PLEKHG1: variants seen among roughly 807,000 people sequenced by gnomAD.
PLEKHG1 encodes pleckstrin homology and RhoGEF domain containing G1, also known as pleckstrin homology domain-containing family G member 1.
A neutral mutation model predicts 100.8 loss-of-function variants in PLEKHG1; 44 were observed. The observed-to-expected ratio is 0.44, with a 90% CI of 0.34 to 0.56. The LOEUF (loss-of-function observed/expected upper bound fraction) is 0.56. Ranked by LOEUF, PLEKHG1 falls within the 20% of genes least tolerant of loss-of-function variation. PLEKHG1 has a pLI of 0.01. For missense variants in PLEKHG1, 1,545 were observed against 1,720.9 expected (o/e 0.90, Z 1.81); for synonymous variants, 640 against 662.5 (o/e 0.97, Z 0.52).
At chr6:150,620,879 T>C (rs1582824755) in intron 1 of PLEKHG1, among the ~76,000 whole-genome samples, 1 of 152,264 alleles carries the variant, frequency 6.6e-6, no homozygotes, top group East Asian at 1.9e-4. Flanking sequence ...GGAGAGAGAA[T>C]GAATTGAGAT....
At chr6:150,653,188 GT>G (rs1435028802) in intron 3 of PLEKHG1, among the ~76,000 whole-genome samples, 3 of 152,050 alleles carry the variant, frequency 2.0e-5, no homozygotes, top group Non-Finnish European at 4.4e-5. Flanking sequence ...CTATGGAATT[GT>G]TTTAACTTTA....
At chr6:150,748,034 C>T (rs72570350) in intron 2 of PLEKHG1, among the ~76,000 whole-genome samples, 13,043 of 152,208 alleles carry the variant, frequency 0.086, 633 homozygotes, top group Admixed American at 0.14. Flanking sequence ...ACCCAATAAA[C>T]AATAACTCCC....
At chr6:150,643,881 C>T (rs1354870359) in intron 2 of PLEKHG1, among the ~76,000 whole-genome samples, 1 of 151,746 alleles carries the variant, frequency 6.6e-6, no homozygotes, top group Non-Finnish European at 1.5e-5. Context: ...ATTTTTTCCC[C>T]CTAAGTGATT....
chr6:150,823,580 TA>T, intron 13 of PLEKHG1, 73 bp from the exon 15 acceptor site: 1 of 1,014,464 alleles, frequency 9.9e-7, no homozygotes, highest in Non-Finnish European at 1.5e-6. Flanking sequence ...CTAAGTTCTA[TA>T]AAATATTAGT....
At chr6:150,777,792 G>C (rs528103182) in intron 3 of PLEKHG1, among the ~76,000 whole-genome samples, 1 of 151,680 alleles carries the variant, frequency 6.6e-6, no homozygotes, top group Admixed American at 6.6e-5. Flanking sequence ...GCACATGTGC[G>C]GTTGCACATC....
intron 1 of PLEKHG1, among the ~76,000 whole-genome samples, chr6:150,607,135 G>A (rs1317725403): frequency 1.3e-5 from 2 of 152,184 alleles, no homozygotes; most frequent in Admixed American, 1.3e-4. Flanking sequence ...GAAACAAGTA[G>A]AAGCAAAGGA....
chr6:150,812,381 T>C (rs1787580627), intron 10 of PLEKHG1, among the ~76,000 whole-genome samples: 1 of 151,744 alleles, frequency 6.6e-6, no homozygotes, highest in Non-Finnish European at 1.5e-5. Context: ...CAAAGAAAGA[T>C]TGAAAGAGTA....
chr6:150,834,293 G>A (rs937698206), intron 15 of PLEKHG1, among the ~76,000 whole-genome samples: 1 of 152,192 alleles, frequency 6.6e-6, no homozygotes, highest in Non-Finnish European at 1.5e-5. Flanking sequence ...CTGAGTTCCC[G>A]CTGCAGGAGG....
intron 3 of PLEKHG1, among the ~76,000 whole-genome samples, chr6:150,681,279 C>T (rs1047015569): frequency 2.8e-4 from 42 of 151,902 alleles, no homozygotes; most frequent in Non-Finnish European, 1.8e-4. Context: ...CCCAGCACTT[C>T]GGGAGGCTGA....
chr6:150,749,587 A>G (rs1470388392), intron 2 of PLEKHG1, among the ~76,000 whole-genome samples: 1 of 152,130 alleles, frequency 6.6e-6, no homozygotes, highest in East Asian at 1.9e-4. Flanking sequence ...GCTCATCTGT[A>G]TGTGATAATT....
chr6:150,743,536 TAAATA>T (rs1220095158), intron 2 of PLEKHG1, among the ~76,000 whole-genome samples: 1 of 152,022 alleles, frequency 6.6e-6, no homozygotes, highest in African/African-American at 2.4e-5. Flanking sequence ...AAAAAATAAA[TAAATA>T]AGGAAGAAAG....
chr6:150,602,653 T>C (rs1776402883), intron 1 of PLEKHG1, among the ~76,000 whole-genome samples: 1 of 152,100 alleles, frequency 6.6e-6, no homozygotes, highest in Admixed American at 6.5e-5. Flanking sequence ...TTGGCACATA[T>C]GGTGTGCTTT....
At chr6:150,729,034 TAA>T (rs1343774749) in intron 1 of PLEKHG1, among the ~76,000 whole-genome samples, 10 of 152,224 alleles carry the variant, frequency 6.6e-5, no homozygotes, top group Non-Finnish European at 1.3e-4. Context: ...AGTTTTATAC[TAA>T]GTTACTGAAA....
rs1317271451 is a variant in PLEKHG1 at position 150,809,002 on chromosome 6, G to A, written c.913-103G>A. The A allele has an allele frequency of 3.3e-6, 3 of 902,924 alleles. No individual in the cohort carries two copies. In the East Asian group the frequency reaches 7.6e-5, roughly 23 times the overall value. 55.9% of individuals were successfully genotyped at this position (902,924 alleles called of 1,614,324 possible). On this transcript the variant is annotated intron_variant, in intron 7 of 15. Coordinates refer to ENST00000358517, the Ensembl canonical transcript of PLEKHG1. Reference sequence around the variant, plus strand: ...CCACGTAGATAGTTAGACCCCCTCAGGGACGATTTGGCACCATTCTTGAGG... The same window carrying A: ...CCACGTAGATAGTTAGACCCCCTCAAGGACGATTTGGCACCATTCTTGAGG...
chr6:150,669,430 CTG>C (rs1404995555), intron 3 of PLEKHG1, among the ~76,000 whole-genome samples: 2 of 152,026 alleles, frequency 1.3e-5, no homozygotes, highest in Non-Finnish European at 2.9e-5. Context: ...AGGCTTCAGT[CTG>C]TGGGGAGAAT....
intron 3 of PLEKHG1, among the ~76,000 whole-genome samples, chr6:150,674,281 A>G (rs1779667047): frequency 6.6e-6 from 1 of 151,160 alleles, no homozygotes; most frequent in South Asian, 2.1e-4. Flanking sequence ...AAAAAAATGA[A>G]CAAGCGTTGA....
intron 1 of PLEKHG1, among the ~76,000 whole-genome samples, chr6:150,728,622 G>A (rs548158130): frequency 1.3e-5 from 2 of 151,842 alleles, no homozygotes; most frequent in East Asian, 3.9e-4. Flanking sequence ...AGTAGGCCGG[G>A]CTCAGTGGCT....
chr6:150,650,019 T>A (rs568237963), intron 2 of PLEKHG1, among the ~76,000 whole-genome samples: 1,190 of 47,710 alleles, frequency 0.025, 15 homozygotes, highest in African/African-American at 0.084. Context: ...CTCAAAAAAA[T>A]AAATAAATAA....
At chr6:150,649,385 CT>C (rs1259600656) in intron 2 of PLEKHG1, among the ~76,000 whole-genome samples, 3 of 152,204 alleles carry the variant, frequency 2.0e-5, no homozygotes, top group Non-Finnish European at 4.4e-5. Flanking sequence ...CTGTGCCTGC[CT>C]TTAATGTTCC....
Sources: gnomAD v4.1 joint callset for allele counts (sites outside exome capture counted in the v4.1 genomes callset) on GRCh38, gnomAD v4.1.1 for gene constraint, MANE v1.5 for transcripts, NCBI Gene and HGNC (gene_info 2026-07-23, HGNC 2026-07-21) for gene names.